Variants in LINGO2 observed in about 807,000 individuals in gnomAD.
LINGO2 encodes the protein leucine-rich repeat and immunoglobulin-like domain-containing nogo receptor-interacting protein 2.
A neutral mutation model predicts 30.6 loss-of-function variants in LINGO2; 14 were observed. The observed-to-expected ratio is 0.46, with a 90% CI of 0.30 to 0.72. The LOEUF (loss-of-function observed/expected upper bound fraction) is 0.72. Among genes scored for constraint, LINGO2 ranks in the 30% least tolerant of loss-of-function variants. The pLI is 0.07. For synonymous variants in LINGO2, 317 were observed against 288.5 expected (o/e 1.10, Z -1.00); for missense variants, 729 against 751.7 (o/e 0.97, Z 0.35).
the LINGO2 span, among the ~76,000 whole-genome samples, chr9:28,686,430 T>G: frequency 6.6e-6 from 1 of 152,060 alleles, no homozygotes; most frequent in African/African-American, 2.4e-5. Context: ...TGGCTTTTAC[T>G]AGCTCAAAAT....
chr9:28,673,774 A>C (rs1829113715), upstream of LINGO2, among the ~76,000 whole-genome samples: 2 of 152,076 alleles, frequency 1.3e-5, no homozygotes, highest in African/African-American at 4.8e-5. Context: ...GATGTAGCTC[A>C]ACTGAGCTGG....
Position 28,263,554 on chromosome 9 carries a change from A to G in LINGO2, c.-87+31654T>C, listed in dbSNP as rs530352593. 8.5e-4 allele frequency among the ~76,000 whole-genome samples: 130 copies of G among 152,118 alleles called. 1 individual carries two copies. Among genetic ancestry groups the G allele is most frequent in the African/African-American group, 3.0e-3 (124 of 41,558 alleles). On this transcript the variant is annotated intron_variant, in intron 4 of 5. Transcript: ENST00000379992. ...CTAAAATAATATCACTTTCTATTTAATTATTGGGTTTATCCCCAAATATGA... is the reference window on the plus strand; with the variant it reads ...CTAAAATAATATCACTTTCTATTTAGTTATTGGGTTTATCCCCAAATATGA...
chr9:28,028,503 G>C (rs1433767110), intron 4 of LINGO2, among the ~76,000 whole-genome samples: 1 of 152,058 alleles, frequency 6.6e-6, no homozygotes, highest in Non-Finnish European at 1.5e-5. Flanking sequence ...AACACCCAGA[G>C]AAGATTATAA....
rs573478113 is a variant in LINGO2, at chr9:28,599,785, A to T, written c.-365+70415T>A. ...TACTCAACTGGACCATTAAAACAAG[A>T]CTAAGTGATTTATAGAAACGCTTTT... On this transcript the variant is annotated intron_variant, in intron 1 of 5. Coordinates refer to ENST00000379992, the Ensembl canonical transcript of LINGO2. Among the ~76,000 whole-genome samples the T allele has an allele frequency of 1.6e-4, 25 of 152,274 alleles. 1 individual carries two copies. The highest frequency in any genetic ancestry group is 5.8e-4 in the African/African-American group (24 of 41,572).
chr9:27,970,224 C>T (rs975806228), intron 5 of LINGO2, among the ~76,000 whole-genome samples: 1 of 152,120 alleles, frequency 6.6e-6, no homozygotes, highest in Non-Finnish European at 1.5e-5. Flanking sequence ...AAAACAGAGA[C>T]TGTCTTAGTC....
intron 4 of LINGO2, among the ~76,000 whole-genome samples, chr9:28,042,800 C>A (rs1824254395): frequency 6.6e-6 from 1 of 152,038 alleles, no homozygotes; most frequent in African/African-American, 2.4e-5. Context: ...TGCCTATTTT[C>A]TTCCTTCTTC....
the LINGO2 span, among the ~76,000 whole-genome samples, chr9:28,786,113 AC>A: frequency 2.6e-5 from 4 of 152,214 alleles, no homozygotes; most frequent in Non-Finnish European, 5.9e-5. Context: ...CTGTGCAAAT[AC>A]ACAATAGGTA....
At chr9:28,154,718 A>AATATGTGTTG (rs1423498922) in intron 4 of LINGO2, among the ~76,000 whole-genome samples, 1 of 152,196 alleles carries the variant, frequency 6.6e-6, no homozygotes, top group East Asian at 1.9e-4. Context: ...ATGGACTTTC[A>AATATGTGTTG]ATATGTGTTG....
At chr9:28,924,776 T>G in the LINGO2 span, among the ~76,000 whole-genome samples, 1 of 152,256 alleles carries the variant, frequency 6.6e-6, no homozygotes, top group African/African-American at 2.4e-5. Flanking sequence ...TAATCATTTA[T>G]GTGTCCGATG....
At chr9:28,393,749 T>A (rs552754643) in intron 2 of LINGO2, among the ~76,000 whole-genome samples, 4 of 152,324 alleles carry the variant, frequency 2.6e-5, no homozygotes, top group South Asian at 4.1e-4. Flanking sequence ...TTCTGCTCGA[T>A]GTCTTTCTTC....
intron 4 of LINGO2, among the ~76,000 whole-genome samples, chr9:28,238,200 C>G (rs72709319): frequency 0.023 from 3,516 of 152,096 alleles, 75 homozygotes; most frequent in Middle Eastern, 0.034. Flanking sequence ...GAGATTTCAA[C>G]ACCCCACTTT....
chr9:28,820,320 AG>A, the LINGO2 span, among the ~76,000 whole-genome samples: 1 of 152,174 alleles, frequency 6.6e-6, no homozygotes, highest in African/African-American at 2.4e-5. Context: ...AAGCTATTAG[AG>A]ACCCTTTAGA....
intron 1 of LINGO2, among the ~76,000 whole-genome samples, chr9:28,554,555 C>T (rs1822532872): frequency 6.8e-6 from 1 of 147,526 alleles, no homozygotes; most frequent in Admixed American, 6.8e-5. Context: ...TAATGGGAGA[C>T]TCTAACACCC....
At chr9:28,492,286 A>T (rs1390995918) in intron 1 of LINGO2, among the ~76,000 whole-genome samples, 1 of 152,166 alleles carries the variant, frequency 6.6e-6, no homozygotes, top group African/African-American at 2.4e-5. Context: ...CCCAGTTTCA[A>T]TGTCTTGGGG....
intron 4 of LINGO2, among the ~76,000 whole-genome samples, chr9:28,204,243 T>C (rs12238273): frequency 0.19 from 28,236 of 152,078 alleles, 2,862 homozygotes; most frequent in Middle Eastern, 0.28. Context: ...TACACACACG[T>C]GCATGCACAC....
intron 2 of LINGO2, among the ~76,000 whole-genome samples, chr9:28,456,349 T>C (rs533143942): frequency 2.0e-5 from 3 of 152,194 alleles, no homozygotes; most frequent in African/African-American, 7.2e-5. Context: ...CTATACTGGA[T>C]TGACTCATTT....
chr9:28,903,339 T>C, the LINGO2 span, among the ~76,000 whole-genome samples: 1 of 151,980 alleles, frequency 6.6e-6, no homozygotes, highest in Non-Finnish European at 1.5e-5. Flanking sequence ...AAACAGAAAA[T>C]ATGAACAGAC....
chr9:28,243,435 G>A (rs1268216789), intron 4 of LINGO2, among the ~76,000 whole-genome samples: 2 of 145,778 alleles, frequency 1.4e-5, no homozygotes, highest in African/African-American at 2.6e-5. Context: ...CTTCCAGCCT[G>A]TGCGACGGAG....
At chr9:28,366,302 C>A (rs776241753) in intron 3 of LINGO2, among the ~76,000 whole-genome samples, 1 of 152,156 alleles carries the variant, frequency 6.6e-6, no homozygotes, top group Non-Finnish European at 1.5e-5. Context: ...TGTATTTCAT[C>A]CCTCTTATGT....
Sources: allele counts gnomAD v4.1 joint callset (sites outside exome capture counted in the v4.1 genomes callset), GRCh38; gene constraint gnomAD v4.1.1; transcripts MANE v1.5; gene names NCBI Gene and HGNC (gene_info 2026-07-23, HGNC 2026-07-21).